Variants in PTPRJ observed in about 807,000 individuals in gnomAD.
PTPRJ encodes protein tyrosine phosphatase receptor type J.
A neutral mutation model predicts 141.3 loss-of-function variants in PTPRJ; 129 were observed. The observed-to-expected ratio is 0.91, with a 90% confidence interval of 0.79 to 1.06. PTPRJ has a LOEUF of 1.06. Ranked by LOEUF, PTPRJ falls within the 50% of genes least tolerant of loss-of-function variation. The pLI is 0.00. For synonymous variants in PTPRJ, 610 were observed against 640.5 expected (o/e 0.95, Z 0.72); for missense variants, 1,601 against 1,679.7 (o/e 0.95, Z 0.82).
intron 1 of PTPRJ, among the ~76,000 whole-genome samples, chr11:47,987,877 A>T (rs1384910380): frequency 6.6e-6 from 1 of 152,202 alleles, no homozygotes; most frequent in Non-Finnish European, 1.5e-5. Context: ...TGGTAAGCAG[A>T]TGGGGGGCAT....
intron 8 of PTPRJ, chr11:48,131,508 C>A: frequency 2.6e-6 from 2 of 775,728 alleles, no homozygotes; most frequent in Admixed American, 3.4e-5. Context: ...AATATTTCTA[C>A]AGGATGATTT....
At chr11:48,071,546 G>A (rs867975486) in intron 1 of PTPRJ, among the ~76,000 whole-genome samples, 1 of 149,246 alleles carries the variant, frequency 6.7e-6, no homozygotes, top group Non-Finnish European at 1.5e-5. Flanking sequence ...TCGACCTCGT[G>A]ATCCTCCCGC....
Position 48,127,815 on chromosome 11 carries a change from A to G in PTPRJ, c.1129A>G (p.Ile377Val), listed in dbSNP as rs774152607. 6.2e-7 allele frequency: 1 copy of G among 1,614,208 alleles called. No individual in the cohort carries two copies. The highest frequency in any genetic ancestry group is 1.1e-5 in the South Asian group (1 of 91,086). ...GGTTTTTGACGTCACCGCTGTGAACATCAGTGCCACAAGCCTGACCCTGAT... is the reference window on the plus strand; with the variant it reads ...GGTTTTTGACGTCACCGCTGTGAACGTCAGTGCCACAAGCCTGACCCTGAT... The part of the protein sequence containing the change: ...IQVFDVTAVN[I>V]SATSLTLIWK... Residue 377 changes from isoleucine to valine, a missense_variant, in exon 7 of 25, where the codon ATC becomes GTC. Physicochemically the swap from Ile to Val is conservative, Grantham distance 29 (BLOSUM62 3). Transcript: ENST00000418331.
intron 5 of PTPRJ, 60 bp downstream of exon 5, chr11:48,123,930 G>A (rs1490219600): frequency 6.6e-7 from 1 of 1,510,196 alleles, no homozygotes; most frequent in Non-Finnish European, 9.0e-7. Context: ...GTAACTAAAT[G>A]TTCTAAAAAA....
At chr11:48,145,712 C>T (rs1857335327) in intron 14 of PTPRJ, among the ~76,000 whole-genome samples, 1 of 151,894 alleles carries the variant, frequency 6.6e-6, no homozygotes, top group Non-Finnish European at 1.5e-5. Context: ...GTGCCTGCTA[C>T]CATGCCCAGC....
In PTPRJ at chr11:48,145,030, C is replaced by T. The variant is rs769463572; in HGVS notation, c.2817C>T (p.Thr939=). ...GTGTGGCTGGCTTCACCAACATTAC[C>T]TTCCACCCTCAAAACAAGGGGCTCA... ...RACVAGFTNI[T]FHPQNKGLID... is the part of the protein sequence containing the mutation. Residue 939 remains threonine, a synonymous_variant, in exon 14 of 25, where the codon ACC becomes ACT. Coordinates refer to ENST00000418331, the MANE Select transcript of PTPRJ (RefSeq NM_002843.4). The T allele has an allele frequency of 2.0e-5, 33 of 1,614,058 alleles. No individual in the cohort carries two copies. In the South Asian group the frequency reaches 3.5e-4, roughly 17 times the overall value.
chr11:48,078,946 A>C (rs534805927), intron 1 of PTPRJ, among the ~76,000 whole-genome samples: 1 of 152,030 alleles, frequency 6.6e-6, no homozygotes, highest in Admixed American at 6.6e-5. Context: ...CTTATGTACT[A>C]TCTGGCTCTT....
chr11:48,120,520 G>T (rs912788111), intron 3 of PTPRJ, among the ~76,000 whole-genome samples: 1 of 152,024 alleles, frequency 6.6e-6, no homozygotes, highest in Non-Finnish European at 1.5e-5. Flanking sequence ...CCACCTCCCG[G>T]GTTCAAGTGA....
At chr11:48,028,322 GCCC>G (rs1358530913) in intron 1 of PTPRJ, among the ~76,000 whole-genome samples, 1 of 152,192 alleles carries the variant, frequency 6.6e-6, no homozygotes, top group Non-Finnish European at 1.5e-5. Context: ...ACCCAAGGTA[GCCC>G]ATCATGCAGT....
chr11:48,017,088 A>G (rs1232212130), intron 1 of PTPRJ, among the ~76,000 whole-genome samples: 5 of 151,976 alleles, frequency 3.3e-5, no homozygotes, highest in East Asian at 1.9e-4. Flanking sequence ...AAGTGGAAAC[A>G]GGGGGTTCAA....
intron 1 of PTPRJ, 29 bp from the exon 2 acceptor site, chr11:48,110,029 C>T (rs777732560): frequency 5.0e-6 from 8 of 1,613,156 alleles, no homozygotes; most frequent in African/African-American, 1.3e-5. Flanking sequence ...AATGAATCTG[C>T]TGACTTCCGT....
intron 1 of PTPRJ, among the ~76,000 whole-genome samples, chr11:47,983,342 C>G (rs1853962786): frequency 6.6e-6 from 1 of 152,210 alleles, no homozygotes; most frequent in Admixed American, 6.5e-5. Flanking sequence ...ATGTGACTAC[C>G]TTCCTAAGAG....
chr11:48,101,183 G>C (rs865813321), intron 1 of PTPRJ, among the ~76,000 whole-genome samples: 6 of 152,188 alleles, frequency 3.9e-5, no homozygotes, highest in Non-Finnish European at 8.8e-5. Flanking sequence ...CTTGCAGAGC[G>C]GATGGTAACT....
At chr11:48,129,979 A>G (rs1856931218) in intron 7 of PTPRJ, among the ~76,000 whole-genome samples, 1 of 150,506 alleles carries the variant, frequency 6.6e-6, no homozygotes, top group Non-Finnish European at 1.5e-5. Context: ...GAGCTGGGAA[A>G]TGTGGTCTTT....
rs115060280 is a variant in PTPRJ at position 47,988,110 on chromosome 11, G to C, written c.96+7102G>C. On this transcript the variant is annotated intron_variant, in intron 1 of 24. Transcript: ENST00000418331. ...GGAGCCTGTGCCAGGGCGTAGCCCA[G>C]TGTTATCTCATGGTTTCTGAGTGAA... Among the ~76,000 whole-genome samples the C allele has an allele frequency of 7.7e-3, 1,167 of 152,352 alleles. 15 individuals carry two copies. The highest frequency in any genetic ancestry group is 0.026 in the African/African-American group (1,087 of 41,586).
At chr11:48,081,655 TGTAGGAAG>T (rs1252625517) in intron 1 of PTPRJ, among the ~76,000 whole-genome samples, 3 of 151,660 alleles carry the variant, frequency 2.0e-5, no homozygotes, top group African/African-American at 4.9e-5. Context: ...GCCAGGGCTG[TGTAGGAAG>T]ACAGGAGAGC....
At chr11:47,998,561 C>A (rs906437345) in intron 1 of PTPRJ, among the ~76,000 whole-genome samples, 1 of 152,172 alleles carries the variant, frequency 6.6e-6, no homozygotes, top group Non-Finnish European at 1.5e-5. Flanking sequence ...TCAGCAGCAA[C>A]TTAGTAGCTT....
intron 6 of PTPRJ, among the ~76,000 whole-genome samples, chr11:48,125,479 C>G (rs2134344888): frequency 6.6e-6 from 1 of 152,342 alleles, no homozygotes; most frequent in South Asian, 2.1e-4. Flanking sequence ...ATGAGACAAA[C>G]TGGCATCATA....
chr11:48,119,562 T>A (rs1856654669), intron 3 of PTPRJ, among the ~76,000 whole-genome samples: 1 of 151,934 alleles, frequency 6.6e-6, no homozygotes, highest in Admixed American at 6.6e-5. Context: ...CCATGCCCAA[T>A]TAATTTTTGT....
Sources: gnomAD v4.1 joint callset for allele counts (sites outside exome capture counted in the v4.1 genomes callset) on GRCh38, gnomAD v4.1.1 for gene constraint, MANE v1.5 for transcripts, NCBI Gene and HGNC (gene_info 2026-07-23, HGNC 2026-07-21) for gene names.